The following AQP9 variants were observed in gnomAD, a reference collection of about 807,000 sequenced individuals.
AQP9 encodes the protein aquaporin-9.
AQP9 carries 19 observed loss-of-function variants against 23.8 expected under a neutral mutation model. That is an observed-to-expected ratio of 0.80 (90% CI 0.56 to 1.17). AQP9 has a LOEUF of 1.17. Among genes scored for constraint, AQP9 ranks in the 50% most tolerant of loss-of-function variants. The pLI, the probability that AQP9 is intolerant of heterozygous loss-of-function variation, is 0.00. For missense variants in AQP9, 413 were observed against 362.0 expected, an observed-to-expected ratio of 1.14 and a Z score of -1.14; for synonymous variants, 153 against 131.5, an observed-to-expected ratio of 1.16 and a Z score of -1.12.
At position 58,138,556 on chromosome 15, in the gene AQP9, A is replaced by T. The variant is rs549808500; in HGVS notation, c.-10A>T. On this transcript the variant is annotated 5_prime_UTR_variant, in exon 1 of 6. Transcript: ENST00000219919. ...TTGGTAGAAACAGGAGTCCTCAGAG[A>T]AGCCCCAAGATGCAGCCTGAGGGAG... 1.2e-6 allele frequency: 2 copies of T among 1,611,916 alleles called. No homozygotes were observed. Among genetic ancestry groups the T allele is most frequent in the Non-Finnish European group, 1.7e-6 (2 of 1,178,324 alleles).
chr15:58,154,542 A>G (rs1898209713), intron 1 of AQP9: 1 of 151,990 alleles, frequency 6.6e-6, no homozygotes, highest in Non-Finnish European at 1.5e-5. Flanking sequence ...ACCCTCAAAT[A>G]TTATGCAACT....
At position 58,175,068 on chromosome 15, in the gene AQP9, G is replaced by A. The variant is rs1262521689; in HGVS notation, c.495+32G>A. 3.2e-6 allele frequency: 5 copies of A among 1,552,872 alleles called. No homozygotes were observed. The African/African-American group carries it at 5.4e-5, about 17-fold the overall frequency. On this transcript the variant is annotated intron_variant, in intron 4 of 5. Coordinates refer to ENST00000219919, the MANE Select transcript of AQP9 (RefSeq NM_020980.5). ...GTAGATTCAACAAAGACTTAACTTT[G>A]GTGAAAAGATATGCTCTCATAAGGG... is the stretch of plus-strand genomic sequence containing the variant.
chr15:58,178,926 G>A (rs1175724009), intron 4 of AQP9, among the ~76,000 whole-genome samples: 1 of 152,146 alleles, frequency 6.6e-6, no homozygotes, highest in Non-Finnish European at 1.5e-5. Context: ...AATTATATTG[G>A]CTTCTCCTCT....
intron 1 of AQP9, among the ~76,000 whole-genome samples, chr15:58,157,739 G>A (rs1264982679): frequency 6.6e-6 from 1 of 152,198 alleles, no homozygotes; most frequent in African/African-American, 2.4e-5. Context: ...TTTTCTACCG[G>A]TGGGTGCTTG....
chr15:58,144,040 G>A (rs1897996245), intron 1 of AQP9, among the ~76,000 whole-genome samples: 1 of 152,264 alleles, frequency 6.6e-6, no homozygotes, highest in South Asian at 2.1e-4. Context: ...AGAGAAAAAT[G>A]GAATTTCACT....
In AQP9 at chr15:58,166,672, G is replaced by C; in HGVS notation, c.112-1G>C. 1.2e-6 allele frequency: 2 copies of C among 1,608,568 alleles called. No homozygotes were observed. Among genetic ancestry groups the C allele is most frequent in the Non-Finnish European group, 1.7e-6 (2 of 1,177,274 alleles). ...CCTGTTGAGTTTTCCTCTCATTCCA[G>C]GTCCTTGGATGTGGCTGTGTTGCCC... On this transcript the variant is annotated splice_acceptor_variant, in intron 1 of 5. Coordinates refer to ENST00000219919, the MANE Select transcript of AQP9 (RefSeq NM_020980.5). LOFTEE classifies it high-confidence loss of function.
chr15:58,138,609 G>A lies in AQP9; in HGVS notation c.44G>A (p.Arg15Lys), dbSNP rs375764372. ...GAEKGKSFKQ[R>K]LVLKSSLAKE... ...GAAAAGGGAAAAAGCTTCAAGCAGAGACTGGTCTTGAAGAGCAGCTTAGCG... is the reference window on the plus strand; with the variant it reads ...GAAAAGGGAAAAAGCTTCAAGCAGAAACTGGTCTTGAAGAGCAGCTTAGCG... The change falls in exon 1 of 6, where the codon AGA becomes AAA. Residue 15 changes from arginine to lysine, a missense_variant. Physicochemically the swap from Arg to Lys is conservative, Grantham distance 26. Coordinates refer to ENST00000219919, the MANE Select transcript of AQP9 (RefSeq NM_020980.5). 1.9e-6 allele frequency: 3 copies of A among 1,613,794 alleles called. No individual in the cohort carries two copies. The African/African-American group carries it at 4.0e-5, about 22-fold the overall frequency.
chr15:58,185,774 T>A lies in AQP9; in HGVS notation c.*1639T>A, dbSNP rs1364572920. On this transcript the variant is annotated 3_prime_UTR_variant, in exon 6 of 6. Transcript: ENST00000219919. ...GTTTCCCAACTGCTTTGTGCTGATA[T>A]CAGAACAGCAGAAATTAAATGTGAA... 6.6e-6 allele frequency: 1 copy of A among 152,230 alleles called. No individual in the cohort carries two copies. Among genetic ancestry groups the A allele is most frequent in the Non-Finnish European group, 1.5e-5 (1 of 68,034 alleles). The allele number at this position is 152,230 out of a possible 1,614,324, so 9.4% of individuals were successfully genotyped here.
chr15:58,184,170 G>A lies in AQP9; in HGVS notation c.*35G>A. The A allele has an allele frequency of 6.3e-7, 1 of 1,599,448 alleles. No homozygotes were observed. The highest frequency in any genetic ancestry group is 8.5e-7 in the Non-Finnish European group (1 of 1,170,092). On this transcript the variant is annotated 3_prime_UTR_variant, in exon 6 of 6. Transcript: ENST00000219919. ...CAGCTCTGGATTTGCAGTCAGTTTG[G>A]GATTCTCTTCAGAAAGATGGCATCT...
chr15:58,149,768 G>T (rs1290152559), intron 1 of AQP9, among the ~76,000 whole-genome samples: 2 of 152,202 alleles, frequency 1.3e-5, no homozygotes, highest in African/African-American at 4.8e-5. Context: ...CTGACAGATT[G>T]CCATGGATTC....
chr15:58,165,487 C>G (rs1386663037), intron 1 of AQP9, among the ~76,000 whole-genome samples: 1 of 152,174 alleles, frequency 6.6e-6, no homozygotes, highest in African/African-American at 2.4e-5. Context: ...AACCCCATTT[C>G]TGCTGCTTGT....
chr15:58,146,419 C>T (rs1399487126), intron 1 of AQP9, among the ~76,000 whole-genome samples: 2 of 151,818 alleles, frequency 1.3e-5, no homozygotes, highest in Non-Finnish European at 2.9e-5. Flanking sequence ...TTTAGTTTCA[C>T]TATCTTTTCA....
At chr15:58,174,112 C>T (rs1300702368) in intron 3 of AQP9, among the ~76,000 whole-genome samples, 5 of 151,680 alleles carry the variant, frequency 3.3e-5, no homozygotes, top group Non-Finnish European at 7.4e-5. Flanking sequence ...AGGGATACCT[C>T]GTCTCTTCAG....
chr15:58,138,873 A>G (rs1897904259), intron 1 of AQP9, 197 bp downstream of exon 1: 1 of 516,858 alleles, frequency 1.9e-6, no homozygotes, highest in African/African-American at 1.9e-5. Context: ...TACCTATTGC[A>G]TTTACCCACA....
In AQP9 at chr15:58,179,120, C is replaced by T; in HGVS notation, c.496-8C>T. ...GCTAAAGCCCTGGCTCAACTTCTCC[C>T]TCTCCAGGTGGTGGCCACCATGATA... On this transcript the variant is annotated splice_polypyrimidine_tract_variant and splice_region_variant and intron_variant, in intron 4 of 5. Transcript: ENST00000219919. 1 of 1,595,540 alleles carries T rather than the reference C, an allele frequency of 6.3e-7. No individual in the cohort carries two copies. The highest frequency in any genetic ancestry group is 8.6e-7 in the Non-Finnish European group (1 of 1,163,028).
intron 1 of AQP9, chr15:58,152,437 T>C (rs1898169026): frequency 6.6e-6 from 1 of 152,272 alleles, no homozygotes; most frequent in Middle Eastern, 3.4e-3. Flanking sequence ...AGAAAATACA[T>C]TAATACTTAT....
At chr15:58,145,578 A>T (rs1898030854) in intron 1 of AQP9, among the ~76,000 whole-genome samples, 1 of 152,130 alleles carries the variant, frequency 6.6e-6, no homozygotes, top group Admixed American at 6.5e-5. Context: ...ACTTTAAAAA[A>T]TTCTAACTCC....
chr15:58,159,418 T>G (rs1294597635), intron 1 of AQP9, among the ~76,000 whole-genome samples: 2 of 152,286 alleles, frequency 1.3e-5, no homozygotes, highest in South Asian at 2.1e-4. Context: ...TGGGGGTACA[T>G]GGGACATTTT....
Position 58,179,346 on chromosome 15 carries a change from G to C in AQP9, c.713+1G>C. 1.2e-6 allele frequency: 2 copies of C among 1,609,206 alleles called. No homozygotes were observed. Among genetic ancestry groups the C allele is most frequent in the Non-Finnish European group, 1.7e-6 (2 of 1,177,698 alleles). On this transcript the variant is annotated splice_donor_variant, in intron 5 of 5. Coordinates refer to ENST00000219919, the MANE Select transcript of AQP9 (RefSeq NM_020980.5). LOFTEE classifies it high-confidence loss of function. Reference sequence around the variant, plus strand: ...CAGGCTGGGGGTTTGAAGTCTTCAGGTAAGTAACAGTGGTGGGGAAGAGAG... The same window carrying C: ...CAGGCTGGGGGTTTGAAGTCTTCAGCTAAGTAACAGTGGTGGGGAAGAGAG...
Sources: gnomAD v4.1 joint callset for allele counts (sites outside exome capture counted in the v4.1 genomes callset) on GRCh38, gnomAD v4.1.1 for gene constraint, MANE v1.5 for transcripts, NCBI Gene and HGNC (gene_info 2026-07-23, HGNC 2026-07-21) for gene names.